The following CACNB2 variants were observed in gnomAD, a reference collection of about 807,000 sequenced individuals.
CACNB2 encodes voltage-dependent L-type calcium channel subunit beta-2.
A neutral mutation model predicts 73.3 loss-of-function variants in CACNB2; 42 were observed. The observed-to-expected ratio is 0.57, with a 90% CI of 0.45 to 0.74. The LOEUF (loss-of-function observed/expected upper bound fraction) is 0.74. CACNB2 is among the 30% of genes least tolerant of loss of function. CACNB2 has a pLI of 0.00. For synonymous variants in CACNB2, 348 were observed against 310.3 expected, an observed-to-expected ratio of 1.12 and a Z score of -1.28; for missense variants, 940 against 853.0, an observed-to-expected ratio of 1.10 and a Z score of -1.27.
chr10:18,237,333 T>C (rs987628293), intron 2 of CACNB2, among the ~76,000 whole-genome samples: 1 of 152,324 alleles, frequency 6.6e-6, no homozygotes, highest in East Asian at 1.9e-4. Flanking sequence ...AAATCCAGTA[T>C]GACTGATGAT....
At chr10:18,271,371 T>C (rs2131643337) in intron 2 of CACNB2, among the ~76,000 whole-genome samples, 1 of 152,256 alleles carries the variant, frequency 6.6e-6, no homozygotes, top group Non-Finnish European at 1.5e-5. Flanking sequence ...AAGCACGAAA[T>C]TGACTAAAAG....
At position 18,498,447 on chromosome 10, in the gene CACNB2, C is replaced by T. The variant is rs564275776; in HGVS notation, c.426C>T (p.Phe142=). 171 of 1,613,950 alleles carry T rather than the reference C, an allele frequency of 1.1e-4. 2 individuals are homozygous for T. In the South Asian group the frequency reaches 1.3e-3, roughly 12 times the overall value. The change falls in exon 4 of 14, where the codon TTC becomes TTT. Residue 142 remains phenylalanine (F), a synonymous_variant. Transcript: ENST00000324631. ...CAGTGCCTGGCATGGCCATCTCATTCGAAGCAAAAGATTTTCTGCATGTTA... is the reference window on the plus strand; with the variant it reads ...CAGTGCCTGGCATGGCCATCTCATTTGAAGCAAAAGATTTTCTGCATGTTA... ...DVPVPGMAIS[F]EAKDFLHVKE...
chr10:18,438,087 G>C (rs1365793203), intron 3 of CACNB2, among the ~76,000 whole-genome samples: 1 of 121,836 alleles, frequency 8.2e-6, no homozygotes, highest in Non-Finnish European at 1.6e-5. Flanking sequence ...GCGCTATCTC[G>C]GTTTACTGCA....
intron 2 of CACNB2, among the ~76,000 whole-genome samples, chr10:18,346,193 G>A (rs766391604): frequency 2.0e-5 from 3 of 152,152 alleles, no homozygotes; most frequent in Non-Finnish European, 4.4e-5. Flanking sequence ...AGGCTGGAGT[G>A]CAGTGGCGCG....
intron 3 of CACNB2, among the ~76,000 whole-genome samples, chr10:18,444,729 T>C (rs2046649602): frequency 6.6e-6 from 1 of 152,216 alleles, no homozygotes; most frequent in African/African-American, 2.4e-5. Context: ...AAATAACAGC[T>C]TGACAAAGAT....
intron 9 of CACNB2, among the ~76,000 whole-genome samples, chr10:18,524,537 C>A (rs1245700583): frequency 6.6e-6 from 1 of 151,610 alleles, no homozygotes; most frequent in African/African-American, 2.4e-5. Flanking sequence ...CACCTGTAAT[C>A]CCAGCTACTC....
chr10:18,524,981 G>A (rs2052320619), intron 9 of CACNB2, among the ~76,000 whole-genome samples: 1 of 139,078 alleles, frequency 7.2e-6, no homozygotes, highest in Admixed American at 7.8e-5. Flanking sequence ...AGTGAGCTAT[G>A]ATTACTACAC....
At chr10:18,171,706 T>C (rs1342684424) in intron 2 of CACNB2, among the ~76,000 whole-genome samples, 4 of 151,772 alleles carry the variant, frequency 2.6e-5, no homozygotes, top group Admixed American at 6.6e-5. Flanking sequence ...GATGAACCAG[T>C]TGGGATCAAG....
intron 3 of CACNB2, among the ~76,000 whole-genome samples, chr10:18,475,260 A>T (rs2132788110): frequency 6.6e-6 from 1 of 152,040 alleles, no homozygotes; most frequent in East Asian, 1.9e-4. Flanking sequence ...ACCATTGACT[A>T]AATCACTGGC....
intron 2 of CACNB2, among the ~76,000 whole-genome samples, chr10:18,249,748 T>G (rs2037014242): frequency 6.6e-6 from 1 of 152,220 alleles, no homozygotes; most frequent in Admixed American, 6.5e-5. Flanking sequence ...ACCATCTATA[T>G]GCCACCTTCC....
chr10:18,486,559 T>A (rs2132892298), intron 3 of CACNB2, among the ~76,000 whole-genome samples: 1 of 152,290 alleles, frequency 6.6e-6, no homozygotes, highest in South Asian at 2.1e-4. Context: ...CCTTTGGATG[T>A]GAGAAAAAGC....
At chr10:18,242,497 T>G (rs1029178461) in intron 2 of CACNB2, among the ~76,000 whole-genome samples, 3 of 152,294 alleles carry the variant, frequency 2.0e-5, no homozygotes, top group African/African-American at 7.2e-5. Flanking sequence ...TATTTTAAAA[T>G]AGTAAACTGC....
At chr10:18,381,636 C>T (rs533456065) in intron 2 of CACNB2, among the ~76,000 whole-genome samples, 58 of 146,930 alleles carry the variant, frequency 3.9e-4, no homozygotes, top group African/African-American at 1.3e-3. Flanking sequence ...TGCAGTGAGC[C>T]GAGATCAGGC....
intron 3 of CACNB2, among the ~76,000 whole-genome samples, chr10:18,444,474 A>T (rs2046635303): frequency 6.6e-6 from 1 of 152,242 alleles, no homozygotes; most frequent in African/African-American, 2.4e-5. Flanking sequence ...TAAGTCCTTC[A>T]CAGATGATAA....
chr10:18,455,998 C>T (rs758479767), intron 3 of CACNB2, among the ~76,000 whole-genome samples: 46 of 152,140 alleles, frequency 3.0e-4, no homozygotes, highest in Non-Finnish European at 4.3e-4. Context: ...GCAGTTACAC[C>T]GGAAATAAGA....
At chr10:18,252,283 A>G (rs1828805336) in intron 2 of CACNB2, among the ~76,000 whole-genome samples, 1 of 152,172 alleles carries the variant, frequency 6.6e-6, no homozygotes. Flanking sequence ...AGTTTACACA[A>G]TGTTCCTTTT....
rs114014793 is a variant in CACNB2, at chr10:18,512,537, A to C, written c.671-1699A>C. Among the ~76,000 whole-genome samples the C allele has an allele frequency of 8.2e-3, 1,248 of 152,318 alleles. 25 individuals carry two copies. Among genetic ancestry groups the C allele is most frequent in the African/African-American group, 0.028 (1,156 of 41,560 alleles). The stretch of plus-strand genomic sequence containing the variant: ...CTTATTTTTACACAAAATCTGCAAA[A>C]AGAAAAATCTTTTTTTGCACATTGT... On this transcript the variant is annotated intron_variant, in intron 6 of 13. Coordinates refer to ENST00000324631, the MANE Select transcript of CACNB2 (RefSeq NM_201596.3).
intron 2 of CACNB2, among the ~76,000 whole-genome samples, chr10:18,307,749 G>T (rs1487094393): frequency 6.6e-6 from 1 of 152,060 alleles, no homozygotes; most frequent in Non-Finnish European, 1.5e-5. Flanking sequence ...AATAGGAAAT[G>T]TTCTGGCAAT....
chr10:18,470,711 A>G (rs576767629), intron 3 of CACNB2, among the ~76,000 whole-genome samples: 11 of 152,206 alleles, frequency 7.2e-5, no homozygotes, highest in African/African-American at 2.6e-4. Context: ...GATTTTTCAC[A>G]AGCACTTAGC....
Sources: gnomAD v4.1 joint callset for allele counts (sites outside exome capture counted in the v4.1 genomes callset) on GRCh38, gnomAD v4.1.1 for gene constraint, MANE v1.5 for transcripts, NCBI Gene and HGNC (gene_info 2026-07-23, HGNC 2026-07-21) for gene names.